PRR14: variants seen among roughly 807,000 people sequenced by gnomAD.
PRR14 encodes the protein proline-rich protein 14.
A neutral mutation model predicts 57.2 loss-of-function variants in PRR14; 33 were observed. The ratio of observed to expected loss-of-function variants is 0.58; its 90% CI spans 0.44 to 0.77. The LOEUF (loss-of-function observed/expected upper bound fraction) is 0.77. Among genes scored for constraint, PRR14 ranks in the 30% least tolerant of loss-of-function variants. The pLI, the probability that PRR14 is intolerant of heterozygous loss-of-function variation, is 0.00. For missense variants in PRR14, 716 were observed against 788.1 expected, an observed-to-expected ratio of 0.91 and a Z score of 1.10; for synonymous variants, 303 against 314.7, an observed-to-expected ratio of 0.96 and a Z score of 0.39.
chr16:30,653,588 A>C (rs1412897020), intron 6 of PRR14, among the ~76,000 whole-genome samples, 180 bp downstream of exon 6: 1 of 152,236 alleles, frequency 6.6e-6, no homozygotes, highest in African/African-American at 2.4e-5. Flanking sequence ...AGGCAGGAGA[A>C]TCGCTTGAGC....
At chr16:30,653,285 C>A in intron 5 of PRR14, 80 bp from the exon 6 acceptor site, 1 of 1,508,794 alleles carries the variant, frequency 6.6e-7, no homozygotes, top group East Asian at 2.3e-5. Context: ...AAGCAGCTAT[C>A]CGGGAACTGA....
intron 5 of PRR14, 104 bp downstream of exon 5, chr16:30,653,207 G>A: frequency 2.9e-6 from 4 of 1,398,580 alleles, no homozygotes; most frequent in Non-Finnish European, 3.9e-6. Flanking sequence ...GGGGTGAGGA[G>A]GATGGCATTT....
chr16:30,656,065 G>C lies in PRR14; in HGVS notation c.1512G>C (p.Glu504Asp). The C allele has an allele frequency of 6.4e-7, 1 of 1,553,052 alleles. No homozygotes were observed. The highest frequency in any genetic ancestry group is 8.7e-7 in the Non-Finnish European group (1 of 1,151,758). Residue 504 changes from glutamate to aspartate, a missense_variant, in exon 12 of 12, where the codon GAG becomes GAC. Physicochemically the swap from Glu to Asp is conservative, Grantham distance 45 (BLOSUM62 2). Transcript: ENST00000300835. ...TFETIFEEPR[E>D]RNGTLIFTSS... ...AGACCATCTTTGAGGAACCCCGGGA[G>C]CGCAATGGGACTCTGATTTTCACCA...
chr16:30,654,808 A>C lies in PRR14; in HGVS notation c.838A>C (p.Met280Leu), dbSNP rs140826259. Residue 280 changes from methionine to leucine, a missense_variant, in exon 8 of 12, where the codon ATG (methionine) becomes CTG (leucine). By Grantham distance (15) the Met-to-Leu change is conservative (BLOSUM62 2). Coordinates refer to ENST00000300835, the MANE Select transcript of PRR14 (RefSeq NM_024031.5). ...ACAGCCCCCACCCCCGTCCCCCCCA[A>C]TGAAGCTGGAGTTGAAGATCGCCAT... ...TPQPPPPSPP[M>L]KLELKIAISE... 3.0e-5 allele frequency: 30 copies of C among 989,786 alleles called. No homozygotes were observed. Among genetic ancestry groups the C allele is most frequent in the East Asian group, 5.2e-5 (1 of 19,396 alleles). 61.3% of individuals were successfully genotyped at this position (989,786 alleles called of 1,614,324 possible).
In PRR14 at chr16:30,654,610, G is replaced by T. The variant is rs1465583907; in HGVS notation, c.659-19G>T. The T allele has an allele frequency of 6.4e-7, 1 of 1,569,754 alleles. No homozygotes were observed. Among genetic ancestry groups the T allele is most frequent in the East Asian group, 2.2e-5 (1 of 44,456 alleles). On this transcript the variant is annotated intron_variant, in intron 7 of 11. Transcript: ENST00000300835. ...CTGCAGCCAAGGAATATCCACCTGTGACCCTCTCCTTTCCTCAGCCCCAGA... is the reference window on the plus strand; with the variant it reads ...CTGCAGCCAAGGAATATCCACCTGTTACCCTCTCCTTTCCTCAGCCCCAGA...
Position 30,655,651 on chromosome 16 carries a change from C to A in PRR14, c.1406+58C>A. The A allele has an allele frequency of 6.7e-7, 1 of 1,499,376 alleles. No homozygotes were observed. The highest frequency in any genetic ancestry group is 2.3e-5 in the East Asian group (1 of 44,130). 92.9% of individuals were successfully genotyped at this position (1,499,376 alleles called of 1,614,324 possible). On this transcript the variant is annotated intron_variant, in intron 10 of 11. Transcript: ENST00000300835. This position sits in a 1 kb window ranked among gnomAD's most constrained non-coding sequence, Gnocchi z 4.6. ...GCCAAACAGATGCAGGCTTATGTCC[C>A]CTGAAGTATAGCTTTGTCTCCCCTC...
rs1445932070 is a variant in PRR14 at position 30,654,257 on chromosome 16, G to A, written c.576G>A (p.Gln192=). Residue 192 remains glutamine (Q), a synonymous_variant, in exon 7 of 12, where the codon CAG becomes CAA. Transcript: ENST00000300835. Reference sequence around the variant, plus strand: ...CTGAGCCCATGAGGATAGTTCGCCAGCCAACGCCTCCACCTGGGGACCTAG... The same window carrying A: ...CTGAGCCCATGAGGATAGTTCGCCAACCAACGCCTCCACCTGGGGACCTAG... ...QRAEPMRIVR[Q]PTPPPGDLEP... is the part of the protein sequence containing the mutation. 1.7e-5 allele frequency: 27 copies of A among 1,613,998 alleles called. No individual in the cohort carries two copies. The highest frequency in any genetic ancestry group is 2.3e-5 in the Non-Finnish European group (27 of 1,179,998).
In PRR14 at chr16:30,652,857, A is replaced by AT. The variant is rs1435609569; in HGVS notation, c.314+16dup. The AT allele has an allele frequency of 1.9e-6, 3 of 1,613,982 alleles. No individual in the cohort carries two copies. Among genetic ancestry groups the AT allele is most frequent in the African/African-American group, 1.3e-5 (1 of 75,010 alleles). ...TCGCAGGCCAGGTGAGCATGGCAGG[A>AT]TGGGGGTAAGCCGAGGGCCCAGCTG... On this transcript the variant is annotated intron_variant, in intron 4 of 11. Coordinates refer to ENST00000300835, the MANE Select transcript of PRR14 (RefSeq NM_024031.5).
rs1416567390 is a variant in PRR14, at chr16:30,655,629, A to G, written c.1406+36A>G. On this transcript the variant is annotated intron_variant, in intron 10 of 11. Coordinates refer to ENST00000300835, the MANE Select transcript of PRR14 (RefSeq NM_024031.5). This position sits in a 1 kb window ranked among gnomAD's most constrained non-coding sequence, Gnocchi z 4.6. ...CACTGGGCATTGAGCCATCTTGGCC[A>G]AACAGATGCAGGCTTATGTCCCCTG... The G allele has an allele frequency of 1.3e-6, 2 of 1,578,726 alleles. No homozygotes were observed. Among genetic ancestry groups the G allele is most frequent in the Non-Finnish European group, 1.7e-6 (2 of 1,148,452 alleles).
chr16:30,656,175 C>T lies in PRR14; in HGVS notation c.1622C>T (p.Ala541Val), dbSNP rs555478260. 1 of 1,602,982 alleles carries T rather than the reference C, an allele frequency of 6.2e-7. No homozygotes were observed. The highest frequency in any genetic ancestry group is 1.3e-5 in the African/African-American group (1 of 74,312). Residue 541 changes from alanine (A) to valine (V), a missense_variant, in exon 12 of 12, where the codon GCA becomes GTA. By Grantham distance (64) the Ala-to-Val change is moderately conservative. Transcript: ENST00000300835. ...AGACCGTCCCGTGGGGTCCGGGCTG[C>T]AGGGGGCAGGACTGTTCCTCCCAAT... ...SRRPSRGVRA[A>V]GGRTVPPNVA...
Position 30,652,006 on chromosome 16 carries a change from T to C in PRR14, c.192+42T>C, listed in dbSNP as rs762971365. The C allele has an allele frequency of 7.9e-6, 12 of 1,512,554 alleles. No individual in the cohort carries two copies. The African/African-American group carries it at 9.8e-5, about 12-fold the overall frequency. The allele number at this position is 1,512,554 out of a possible 1,614,324, so 93.7% of individuals were successfully genotyped here. On this transcript the variant is annotated intron_variant, in intron 3 of 11. Transcript: ENST00000300835. ...AAGAGACTCTCTATTCCCCCATGAC[T>C]TTCCTCACTACCAAACTCGGGCCAG... is the stretch of plus-strand genomic sequence containing the variant.
At chr16:30,653,438 G>A (rs1312800385) in intron 6 of PRR14, 30 bp downstream of exon 6, 2 of 1,606,968 alleles carry the variant, frequency 1.2e-6, no homozygotes, top group Non-Finnish European at 1.7e-6. Context: ...GATTATCAAA[G>A]GATCCAGGCA....
At chr16:30,652,365 C>A in intron 3 of PRR14, 1 of 572,514 alleles carries the variant, frequency 1.7e-6, no homozygotes, top group East Asian at 3.9e-5. Context: ...TGGGCCGAAA[C>A]TCTTCTGCTT....
Position 30,656,367 on chromosome 16 carries a change from ATTTT to A in PRR14, c.*62_*65del. The A allele has an allele frequency of 1.4e-6, 2 of 1,473,190 alleles. No individual in the cohort carries two copies. Among genetic ancestry groups the A allele is most frequent in the African/African-American group, 1.4e-5 (1 of 69,874 alleles). The allele number at this position is 1,473,190 out of a possible 1,614,324, so 91.3% of individuals were successfully genotyped here. A position where few individuals can be genotyped will look rare whatever the true frequency, so the allele number is the denominator to read the frequency against. ...GGGACAGGAAACCTCCCAGGCAGTTATTTTTTTTTCTCTATATTTCTAGTAAAGT... is the reference window on the plus strand; with the variant it reads ...GGGACAGGAAACCTCCCAGGCAGTTATTTTTCTCTATATTTCTAGTAAAGT... On this transcript the variant is annotated 3_prime_UTR_variant, in exon 12 of 12. Coordinates refer to ENST00000300835, the MANE Select transcript of PRR14 (RefSeq NM_024031.5).
chr16:30,652,022 C>A, intron 3 of PRR14, 58 bp downstream of exon 3: 1 of 1,497,396 alleles, frequency 6.7e-7, no homozygotes, highest in Non-Finnish European at 8.9e-7. Flanking sequence ...CACTACCAAA[C>A]TCGGGCCAGA....
Position 30,654,635 on chromosome 16 carries a change from A to G in PRR14, c.665A>G (p.Asp222Gly), listed in dbSNP as rs1162635405. 2 of 1,601,964 alleles carry G rather than the reference A, an allele frequency of 1.2e-6. No homozygotes were observed. Among genetic ancestry groups the G allele is most frequent in the South Asian group, 2.2e-5 (2 of 89,824 alleles). Reference protein sequence around the residue: ...DPLESPPTAPDPALELPSTPP... With the variant: ...DPLESPPTAPGPALELPSTPP... ...GACCCTCTCCTTTCCTCAGCCCCAG[A>G]TCCTGCTCTGGAGCTCCCATCCACC... The change falls in exon 8 of 12, where the codon GAT becomes GGT. Residue 222 changes from aspartate (D) to glycine (G), a missense_variant. Physicochemically the swap from Asp to Gly is moderately conservative, Grantham distance 94. Transcript: ENST00000300835.
In PRR14 at chr16:30,651,569, CG is replaced by C; in HGVS notation, c.-50-26del. ...AGGGAAGGGGCCGGCCCTCACCCCC[CG>C]CTCCCCCGCTCCCCCCTTACCCCAG... On this transcript the variant is annotated intron_variant, in intron 1 of 11. Transcript: ENST00000300835. This position sits in a 1 kb window ranked among gnomAD's most constrained non-coding sequence, Gnocchi z 5.0. 3.3e-6 allele frequency: 3 copies of C among 899,744 alleles called. No homozygotes were observed. Among genetic ancestry groups the C allele is most frequent in the East Asian group, 3.1e-5 (1 of 32,400 alleles). The allele number at this position is 899,744 out of a possible 1,614,324, so 55.7% of individuals were successfully genotyped here. A position where few individuals can be genotyped will look rare whatever the true frequency, so the allele number is the denominator to read the frequency against.
At position 30,654,253 on chromosome 16, in the gene PRR14, G is replaced by A. The variant is rs751287418; in HGVS notation, c.572G>A (p.Arg191His). 19 of 1,612,972 alleles carry A rather than the reference G, an allele frequency of 1.2e-5. No individual in the cohort carries two copies. The highest frequency in any genetic ancestry group is 1.6e-4 in the Middle Eastern group (1 of 6,080). ...AQRAEPMRIVRQPTPPPGDLE... is the reference protein window; with the variant it reads ...AQRAEPMRIVHQPTPPPGDLE... The stretch of plus-strand genomic sequence containing the variant: ...AGAGCTGAGCCCATGAGGATAGTTC[G>A]CCAGCCAACGCCTCCACCTGGGGAC... The change falls in exon 7 of 12, where the codon CGC (arginine) becomes CAC (histidine). Residue 191 changes from arginine to histidine, a missense_variant. Arg to His is a conservative substitution (Grantham distance 29). Transcript: ENST00000300835.
intron 5 of PRR14, 120 bp downstream of exon 5, chr16:30,653,223 G>A (rs1056387721): frequency 3.5e-5 from 47 of 1,354,370 alleles, no homozygotes; most frequent in African/African-American, 8.7e-5. Context: ...CATTTTAGGC[G>A]GCAGACACTG....
Sources: allele counts gnomAD v4.1 joint callset (sites outside exome capture counted in the v4.1 genomes callset), GRCh38; gene constraint gnomAD v4.1.1; non-coding constraint Gnocchi (gnomAD v3.1); transcripts MANE v1.5; gene names NCBI Gene and HGNC (gene_info 2026-07-23, HGNC 2026-07-21).